JARID2: variants seen among roughly 807,000 people sequenced by gnomAD.
The protein encoded by JARID2 is protein Jumonji.
Under a neutral mutation model 125.6 loss-of-function variants are expected in JARID2, and 21 were observed. The observed-to-expected ratio is 0.17, with a 90% CI of 0.12 to 0.24. JARID2 has a LOEUF of 0.24. JARID2 is among the 10% of genes least tolerant of loss of function. The pLI is 1.00. For synonymous variants in JARID2, 736 were observed against 661.6 expected, an observed-to-expected ratio of 1.11 and a Z score of -1.73; for missense variants, 1,303 against 1,639.6, an observed-to-expected ratio of 0.79 and a Z score of 3.55.
At chr6:15,486,060 G>A (rs1769851544) in intron 5 of JARID2, among the ~76,000 whole-genome samples, 1 of 152,232 alleles carries the variant, frequency 6.6e-6, no homozygotes, top group Admixed American at 6.5e-5. Context: ...AGATGCATGA[G>A]TGGACACAGT....
chr6:15,317,783 A>G (rs998591643), intron 1 of JARID2, among the ~76,000 whole-genome samples: 2 of 152,126 alleles, frequency 1.3e-5, no homozygotes, highest in African/African-American at 4.8e-5. Context: ...TTCAGGGTGG[A>G]TGCACCCTTG....
intron 16 of JARID2, among the ~76,000 whole-genome samples, chr6:15,515,699 T>C (rs1257006709): frequency 6.6e-6 from 1 of 151,238 alleles, no homozygotes; most frequent in Admixed American, 6.6e-5. Context: ...CAGTGAGCCA[T>C]GATCACACCA....
intron 7 of JARID2, 145 bp from the exon 8 acceptor site, chr6:15,500,762 G>T (rs561753409): frequency 8.6e-5 from 60 of 698,466 alleles, no homozygotes; most frequent in African/African-American, 5.0e-4. Flanking sequence ...TGTGGACCGG[G>T]AGTCTGCTGT....
At chr6:15,416,549 G>A (rs1007157168) in intron 3 of JARID2, among the ~76,000 whole-genome samples, 18 of 152,144 alleles carry the variant, frequency 1.2e-4, no homozygotes, top group African/African-American at 3.4e-4. Context: ...CCAGTCAGGC[G>A]TGGTGGCGCG....
At chr6:15,513,549 G>A (rs1771383419) in intron 16 of JARID2, 127 bp downstream of exon 16, 2 of 952,280 alleles carry the variant, frequency 2.1e-6, no homozygotes, top group Non-Finnish European at 3.0e-6. Flanking sequence ...CTCTGGAGCC[G>A]GCTGTGGGAC....
At chr6:15,457,892 C>T (rs893171789) in intron 4 of JARID2, among the ~76,000 whole-genome samples, 5 of 152,108 alleles carry the variant, frequency 3.3e-5, no homozygotes, top group Non-Finnish European at 7.4e-5. Flanking sequence ...AAGACACTAC[C>T]AGCTAAGTCT....
intron 1 of JARID2, among the ~76,000 whole-genome samples, chr6:15,333,601 T>G (rs1762787130): frequency 6.6e-6 from 1 of 152,240 alleles, no homozygotes; most frequent in Non-Finnish European, 1.5e-5. Context: ...ATTTTAACCA[T>G]TTTTTGTGTG....
chr6:15,468,456 C>A, intron 4 of JARID2, 86 bp from the exon 5 acceptor site: 5 of 1,223,958 alleles, frequency 4.1e-6, no homozygotes, highest in African/African-American at 3.1e-5. Context: ...GTTTTTTCTC[C>A]TCGGTTTTGT....
rs923285268 is a variant in JARID2, at chr6:15,248,002, A to G, written c.45+1418A>G. The G allele has an allele frequency of 5.1e-6, 5 of 985,284 alleles. No individual in the cohort carries two copies. The Admixed American group carries it at 3.1e-4, about 61-fold the overall frequency. 61.0% of individuals were successfully genotyped at this position (985,284 alleles called of 1,614,324 possible). On this transcript the variant is annotated intron_variant, in intron 1 of 17. Coordinates refer to ENST00000341776, the MANE Select transcript of JARID2 (RefSeq NM_004973.4). The stretch of plus-strand genomic sequence containing the variant: ...ACAAAGCAAATGGGGTAGAACTTGG[A>G]CGAGAACCGCACCCCGCCTCCCATT...
intron 1 of JARID2, among the ~76,000 whole-genome samples, chr6:15,288,702 C>T (rs142156157): frequency 1.9e-3 from 290 of 152,300 alleles, no homozygotes; most frequent in African/African-American, 6.5e-3. Context: ...TTATTCAGGC[C>T]TCAGCTTGAT....
At chr6:15,437,490 T>C (rs1767258739) in intron 3 of JARID2, among the ~76,000 whole-genome samples, 1 of 152,216 alleles carries the variant, frequency 6.6e-6, no homozygotes, top group African/African-American at 2.4e-5. Flanking sequence ...TCTGCAGTGC[T>C]AGTTTGTGTA....
At chr6:15,469,325 T>C (rs1413021684) in intron 5 of JARID2, among the ~76,000 whole-genome samples, 2 of 99,798 alleles carry the variant, frequency 2.0e-5, no homozygotes, top group Non-Finnish European at 2.1e-5. Flanking sequence ...TCTGTCTCTC[T>C]CTCTCTCTCT....
At chr6:15,427,310 G>T (rs145866306) in intron 3 of JARID2, among the ~76,000 whole-genome samples, 2 of 152,140 alleles carry the variant, frequency 1.3e-5, no homozygotes, top group African/African-American at 2.4e-5. Context: ...CACTTGTTGG[G>T]ACTTCATATT....
chr6:15,302,284 C>T (rs574637304), intron 1 of JARID2, among the ~76,000 whole-genome samples: 200 of 152,170 alleles, frequency 1.3e-3, no homozygotes, highest in Admixed American at 4.5e-3. Flanking sequence ...GGCGTGGTGG[C>T]GTGCGCCTGT....
intron 1 of JARID2, among the ~76,000 whole-genome samples, chr6:15,349,679 A>G (rs534178917): frequency 1.3e-5 from 2 of 152,116 alleles, no homozygotes; most frequent in Non-Finnish European, 2.9e-5. Context: ...CCAGAGCAGA[A>G]ACACCGAGCT....
chr6:15,316,665 G>A (rs2127434539), intron 1 of JARID2, among the ~76,000 whole-genome samples: 1 of 152,212 alleles, frequency 6.6e-6, no homozygotes, highest in East Asian at 1.9e-4. Flanking sequence ...ACCATGCCCA[G>A]CTAATTTTTA....
intron 3 of JARID2, among the ~76,000 whole-genome samples, chr6:15,423,764 A>G (rs1040437788): frequency 6.6e-5 from 10 of 151,764 alleles, no homozygotes; most frequent in Non-Finnish European, 1.3e-4. Flanking sequence ...TCTCATCTCC[A>G]CTCCTTGCTG....
chr6:15,246,174 C>G lies in JARID2; in HGVS notation c.-366C>G. The G allele has an allele frequency of 2.2e-6, 1 of 448,220 alleles. No homozygotes were observed. Among genetic ancestry groups the G allele is most frequent in the Non-Finnish European group, 3.9e-6 (1 of 256,478 alleles). 27.8% of individuals were successfully genotyped at this position (448,220 alleles called of 1,614,324 possible). On this transcript the variant is annotated 5_prime_UTR_variant, in exon 1 of 18. Coordinates refer to ENST00000341776, the MANE Select transcript of JARID2 (RefSeq NM_004973.4). ...TTCCAAGATGTAACTACGGATCAGA[C>G]ACTAAGGACCTTCACGTTTCGCTGA...
intron 3 of JARID2, among the ~76,000 whole-genome samples, chr6:15,418,482 G>C (rs1581535033): frequency 1.3e-5 from 2 of 152,032 alleles, no homozygotes; most frequent in African/African-American, 4.8e-5. Context: ...CAGAGTTCTG[G>C]GATTACAGGC....
Sources: allele counts gnomAD v4.1 joint callset (sites outside exome capture counted in the v4.1 genomes callset), GRCh38; gene constraint gnomAD v4.1.1; transcripts MANE v1.5; gene names NCBI Gene and HGNC (gene_info 2026-07-23, HGNC 2026-07-21).